The following ARIH1 variants were observed in gnomAD, a reference collection of about 807,000 sequenced individuals.
ARIH1 encodes the protein E3 ubiquitin-protein ligase ARIH1.
Under a neutral mutation model 85.0 loss-of-function variants are expected in ARIH1, and 8 were observed. The observed-to-expected ratio is 0.09, with a 90% CI of 0.06 to 0.17. The LOEUF is 0.17. ARIH1 is among the 10% of genes least tolerant of loss of function. The pLI is 1.00. For missense variants in ARIH1, 311 were observed against 718.1 expected (o/e 0.43, Z 6.48); for synonymous variants, 238 against 253.6 (o/e 0.94, Z 0.59).
Position 72,594,087 on chromosome 15 carries a change from G to A in ARIH1, c.*10795G>A, listed in dbSNP as rs1176808950. Reference sequence around the variant, plus strand: ...AGCAATGTTTTGTAGCTTCCCTTGCGTAACACTTGCTTATCTTACATTAGA... The same window carrying A: ...AGCAATGTTTTGTAGCTTCCCTTGCATAACACTTGCTTATCTTACATTAGA... On this transcript the variant is annotated 3_prime_UTR_variant, in exon 14 of 14. Coordinates refer to ENST00000379887, the MANE Select transcript of ARIH1 (RefSeq NM_005744.5). The A allele has an allele frequency of 5.9e-5, 9 of 151,544 alleles. No individual in the cohort carries two copies. Among genetic ancestry groups the A allele is most frequent in the East Asian group, 5.8e-4 (3 of 5,174 alleles). The allele number at this position is 151,544 out of a possible 1,614,324, so 9.4% of individuals were successfully genotyped here. A position where few individuals can be genotyped will look rare whatever the true frequency, so the allele number is the denominator to read the frequency against.
intron 3 of ARIH1, among the ~76,000 whole-genome samples, chr15:72,548,713 T>C (rs1363856516): frequency 6.6e-6 from 1 of 152,226 alleles, no homozygotes; most frequent in African/African-American, 2.4e-5. Context: ...AAACTCTTCA[T>C]AAAGTTTTAT....
At chr15:72,549,433 A>G (rs1480333458) in intron 3 of ARIH1, among the ~76,000 whole-genome samples, 1 of 152,164 alleles carries the variant, frequency 6.6e-6, no homozygotes, top group African/African-American at 2.4e-5. Context: ...TTCTAAGAAT[A>G]AGATATGTGA....
At chr15:72,533,758 T>C (rs1178750115) in intron 2 of ARIH1, among the ~76,000 whole-genome samples, 3 of 152,014 alleles carry the variant, frequency 2.0e-5, no homozygotes, top group Non-Finnish European at 4.4e-5. Context: ...AATTAAACAA[T>C]TAGCTATGCA....
At chr15:72,505,696 A>C (rs2063921651) in intron 1 of ARIH1, among the ~76,000 whole-genome samples, 1 of 152,146 alleles carries the variant, frequency 6.6e-6, no homozygotes, top group Non-Finnish European at 1.5e-5. Context: ...TCTCATTAAC[A>C]AATTATGACC....
intron 2 of ARIH1, among the ~76,000 whole-genome samples, chr15:72,523,144 A>C (rs2064008248): frequency 6.6e-6 from 1 of 152,216 alleles, no homozygotes; most frequent in Non-Finnish European, 1.5e-5. Flanking sequence ...CTTCTTTAAA[A>C]TTACCCAAAT....
At chr15:72,477,453 T>C (rs905055695) in intron 1 of ARIH1, among the ~76,000 whole-genome samples, 6 of 152,240 alleles carry the variant, frequency 3.9e-5, no homozygotes, top group East Asian at 1.9e-4. Flanking sequence ...ATTTTCAGTG[T>C]GAAATCAGGT....
chr15:72,562,891 A>G (rs1250966039), intron 6 of ARIH1, among the ~76,000 whole-genome samples: 1 of 72,084 alleles, frequency 1.4e-5, no homozygotes, highest in African/African-American at 3.2e-5. Context: ...GGGATCAGTC[A>G]TCTTTAAAAA....
rs766744804 is a variant in ARIH1 at position 72,587,265 on chromosome 15, A to AC, written c.*3974dup. 12 of 528,972 alleles carry AC rather than the reference A, an allele frequency of 2.3e-5. No individual in the cohort carries two copies. The highest frequency in any genetic ancestry group is 6.7e-4 in the Middle Eastern group (2 of 2,974). 32.8% of individuals were successfully genotyped at this position (528,972 alleles called of 1,614,324 possible). On this transcript the variant is annotated 3_prime_UTR_variant, in exon 14 of 14. Transcript: ENST00000379887. ...TGTATCATATTTTGTTATTCTGGTC[A>AC]CAGAATGACCTAGTATTCTGTACCA...
chr15:72,475,756 T>C (rs1206028412), intron 1 of ARIH1, among the ~76,000 whole-genome samples: 1 of 152,256 alleles, frequency 6.6e-6, no homozygotes, highest in Admixed American at 6.5e-5. Context: ...AAACGCAGTG[T>C]TGTCTAATAT....
rs369855940 is a variant in ARIH1, at chr15:72,474,632, G to C, written c.-8G>C. On this transcript the variant is annotated 5_prime_UTR_variant, in exon 1 of 14. Transcript: ENST00000379887. Reference sequence around the variant, plus strand: ...GCCAGCGTCCGCCGGGCCCCCGCGCGTCGCGCCATGGACTCGGACGAGGGC... The same window carrying C: ...GCCAGCGTCCGCCGGGCCCCCGCGCCTCGCGCCATGGACTCGGACGAGGGC... 557 of 1,512,316 alleles carry C rather than the reference G, an allele frequency of 3.7e-4. 1 individual carries two copies. The highest frequency in any genetic ancestry group is 4.1e-4 in the Non-Finnish European group (466 of 1,131,000). The allele number at this position is 1,512,316 out of a possible 1,614,324, so 93.7% of individuals were successfully genotyped here.
At chr15:72,572,068 T>C in intron 10 of ARIH1, 40 bp from the exon 11 acceptor site, 3 of 1,267,558 alleles carry the variant, frequency 2.4e-6, no homozygotes, top group Non-Finnish European at 3.3e-6. Context: ...TTTTCATTGA[T>C]TTTTTTTTTC....
chr15:72,487,937 T>C, intron 1 of ARIH1, among the ~76,000 whole-genome samples: 1 of 152,228 alleles, frequency 6.6e-6, no homozygotes, highest in Admixed American at 6.5e-5. Context: ...TCACCCCCAG[T>C]TGCACTGTTT....
intron 2 of ARIH1, among the ~76,000 whole-genome samples, chr15:72,539,984 G>T (rs561411005): frequency 2.8e-4 from 42 of 152,282 alleles, no homozygotes; most frequent in Admixed American, 5.9e-4. Context: ...AATGGGCCGG[G>T]CACGGTGGCT....
In ARIH1 at chr15:72,561,612, A is replaced by T. The variant is rs181747430; in HGVS notation, c.804+63A>T. On this transcript the variant is annotated intron_variant, in intron 6 of 13. Coordinates refer to ENST00000379887, the MANE Select transcript of ARIH1 (RefSeq NM_005744.5). ...TGTTTATTAATAGAAATACTATTTTAAAAATTATAATTTATTGACAGTAAA... is the reference window on the plus strand; with the variant it reads ...TGTTTATTAATAGAAATACTATTTTTAAAATTATAATTTATTGACAGTAAA... 6.1e-5 allele frequency: 59 copies of T among 970,256 alleles called. No individual in the cohort carries two copies. The East Asian group carries it at 1.5e-3, about 24-fold the overall frequency. The allele number at this position is 970,256 out of a possible 1,614,324, so 60.1% of individuals were successfully genotyped here.
chr15:72,534,329 A>AG (rs1242718857), intron 2 of ARIH1, among the ~76,000 whole-genome samples: 9 of 151,078 alleles, frequency 6.0e-5, no homozygotes, highest in Admixed American at 5.9e-4. Flanking sequence ...TCATACGTTT[A>AG]GGGGGGCTTG....
intron 11 of ARIH1, among the ~76,000 whole-genome samples, chr15:72,579,125 A>G (rs1428351198): frequency 6.6e-6 from 1 of 152,124 alleles, no homozygotes; most frequent in South Asian, 2.1e-4. Context: ...ATTGGGATCC[A>G]CATAGGTCCA....
intron 2 of ARIH1, among the ~76,000 whole-genome samples, chr15:72,537,995 T>C (rs925226116): frequency 1.1e-4 from 17 of 152,324 alleles, no homozygotes; most frequent in Admixed American, 9.2e-4. Context: ...CTTATAGCAA[T>C]AGCTAGTTGA....
At chr15:72,511,297 TTTTC>T (rs1003926236) in intron 1 of ARIH1, among the ~76,000 whole-genome samples, 6 of 152,104 alleles carry the variant, frequency 3.9e-5, no homozygotes, top group African/African-American at 7.2e-5. Context: ...ATAGCTGATC[TTTTC>T]TTTCTTTCTT....
rs1205675539 is a variant in ARIH1 at position 72,588,666 on chromosome 15, T to A, written c.*5374T>A. On this transcript the variant is annotated 3_prime_UTR_variant, in exon 14 of 14. Coordinates refer to ENST00000379887, the MANE Select transcript of ARIH1 (RefSeq NM_005744.5). ...TCACTGGAGGCCCTAGTTGAGTGGG[T>A]TTTGTGGAATGGTGCCTCCCAAGGG... 3 of 152,100 alleles carry A rather than the reference T, an allele frequency of 2.0e-5. No homozygotes were observed. Among genetic ancestry groups the A allele is most frequent in the Non-Finnish European group, 4.4e-5 (3 of 68,038 alleles). 9.4% of individuals were successfully genotyped at this position (152,100 alleles called of 1,614,324 possible).
Sources: allele counts gnomAD v4.1 joint callset (sites outside exome capture counted in the v4.1 genomes callset), GRCh38; gene constraint gnomAD v4.1.1; transcripts MANE v1.5; gene names NCBI Gene and HGNC (gene_info 2026-07-23, HGNC 2026-07-21).